SORCS1: variants seen among roughly 807,000 people sequenced by gnomAD.
The protein encoded by SORCS1 is VPS10 domain-containing receptor SorCS1.
Under a neutral mutation model 146.1 loss-of-function variants are expected in SORCS1, and 60 were observed. The observed-to-expected ratio is 0.41, with a 90% confidence interval of 0.33 to 0.51. The LOEUF is 0.51. SORCS1 is among the 20% of genes least tolerant of loss of function. The probability of loss-of-function intolerance (pLI) is 0.21; values close to 1 mark genes in which losing one functional copy is unlikely to be tolerated. For missense variants in SORCS1, 1,352 were observed against 1,487.6 expected (o/e 0.91, Z 1.50); for synonymous variants, 637 against 584.0 (o/e 1.09, Z -1.31).
At chr10:106,710,432 G>GAAAAA (rs33978828) in intron 6 of SORCS1, among the ~76,000 whole-genome samples, 3 of 126,830 alleles carry the variant, frequency 2.4e-5, no homozygotes, top group Admixed American at 8.3e-5. Context: ...TGGGTGACAG[G>GAAAAA]AAAAAAAAAA....
chr10:106,807,753 C>T (rs1035799178), intron 3 of SORCS1, among the ~76,000 whole-genome samples: 1 of 152,244 alleles, frequency 6.6e-6, no homozygotes, highest in African/African-American at 2.4e-5. Context: ...CAGCTAAGCT[C>T]CAACTATGTT....
rs116509277 is a variant in SORCS1, at chr10:107,100,934, G to A, written c.558+63035C>T. 6.7e-3 allele frequency among the ~76,000 whole-genome samples: 1,024 copies of A among 152,306 alleles called. 10 individuals carry two copies. Among genetic ancestry groups the A allele is most frequent in the African/African-American group, 0.023 (954 of 41,558 alleles). ...TAGAGACAGGGTCTTGCTCTGCAAT[G>A]CAGGCTGCAGAGCAGTGATGCAATC... On this transcript the variant is annotated intron_variant, in intron 1 of 25. Coordinates refer to ENST00000263054, the MANE Select transcript of SORCS1 (RefSeq NM_052918.5).
intron 2 of SORCS1, among the ~76,000 whole-genome samples, chr10:106,946,895 T>G (rs2138837571): frequency 6.6e-6 from 1 of 152,278 alleles, no homozygotes; most frequent in East Asian, 1.9e-4. Context: ...GAGATGTTTG[T>G]TGAACAAAAT....
intron 1 of SORCS1, among the ~76,000 whole-genome samples, chr10:107,124,955 T>C (rs1431974874): frequency 2.0e-5 from 2 of 99,832 alleles, no homozygotes; most frequent in African/African-American, 1.6e-4. Flanking sequence ...TTCTTTTTCT[T>C]TTTTTTTTTT....
chr10:107,163,385 C>T (rs1969851325), intron 1 of SORCS1, among the ~76,000 whole-genome samples: 1 of 152,160 alleles, frequency 6.6e-6, no homozygotes, highest in South Asian at 2.1e-4. Context: ...CTGGAGAGTT[C>T]CTGCCCTGAA....
At chr10:107,095,579 C>T (rs1964491784) in intron 1 of SORCS1, among the ~76,000 whole-genome samples, 1 of 152,104 alleles carries the variant, frequency 6.6e-6, no homozygotes, top group South Asian at 2.1e-4. Context: ...ATAAGTATTC[C>T]TTCCTTAAGC....
chr10:107,109,710 G>A (rs767994549), intron 1 of SORCS1, among the ~76,000 whole-genome samples: 1 of 152,174 alleles, frequency 6.6e-6, no homozygotes. Context: ...TTGCTACGTA[G>A]CCTGCTTGAA....
chr10:106,964,699 G>T (rs527394995), intron 1 of SORCS1, among the ~76,000 whole-genome samples: 4 of 152,094 alleles, frequency 2.6e-5, no homozygotes, highest in Non-Finnish European at 4.4e-5. Flanking sequence ...TGTTAGTCAG[G>T]ATAGTTTCGA....
intron 6 of SORCS1, among the ~76,000 whole-genome samples, chr10:106,713,137 C>A (rs1017452456): frequency 4.6e-5 from 7 of 152,126 alleles, no homozygotes; most frequent in Non-Finnish European, 7.3e-5. Context: ...CCCAAAGGAG[C>A]CAGTCTTACA....
chr10:107,001,238 TG>T (rs1957204002), intron 1 of SORCS1, among the ~76,000 whole-genome samples: 1 of 152,090 alleles, frequency 6.6e-6, no homozygotes. Flanking sequence ...AAAGGGAATA[TG>T]GTTATGTTGG....
intron 24 of SORCS1, 140 bp from the exon 25 acceptor site, chr10:106,579,614 A>G (rs766572005): frequency 6.2e-5 from 49 of 795,200 alleles, no homozygotes; most frequent in Non-Finnish European, 8.7e-5. Flanking sequence ...TGCATGTCAC[A>G]TGGCTGACAT....
At chr10:106,886,955 A>G (rs2137814450) in intron 2 of SORCS1, among the ~76,000 whole-genome samples, 1 of 152,322 alleles carries the variant, frequency 6.6e-6, no homozygotes, top group East Asian at 1.9e-4. Context: ...GAAAAAGAAG[A>G]CCAGGGACCT....
intron 3 of SORCS1, among the ~76,000 whole-genome samples, chr10:106,779,323 C>A (rs1860709105): frequency 6.6e-6 from 1 of 152,090 alleles, no homozygotes; most frequent in African/African-American, 2.4e-5. Flanking sequence ...ACAAACAGGT[C>A]AATCTGGATC....
chr10:106,655,263 G>C (rs900964187), intron 17 of SORCS1, among the ~76,000 whole-genome samples: 4 of 152,120 alleles, frequency 2.6e-5, no homozygotes, highest in Admixed American at 2.6e-4. Flanking sequence ...ACAAAATGCA[G>C]ACACTGGTGT....
chr10:106,955,991 G>C (rs373106467), intron 2 of SORCS1, among the ~76,000 whole-genome samples: 4 of 152,126 alleles, frequency 2.6e-5, no homozygotes, highest in Admixed American at 2.0e-4. Context: ...TTAGCCATGC[G>C]TGGTGGCGCA....
intron 2 of SORCS1, among the ~76,000 whole-genome samples, chr10:106,924,381 T>A (rs540864728): frequency 1.3e-5 from 2 of 152,146 alleles, no homozygotes; most frequent in African/African-American, 4.8e-5. Flanking sequence ...AGATAAATGA[T>A]ATGGTAAAAA....
chr10:107,070,024 G>A (rs771344377), intron 1 of SORCS1, among the ~76,000 whole-genome samples: 11 of 152,136 alleles, frequency 7.2e-5, no homozygotes, highest in Non-Finnish European at 1.6e-4. Flanking sequence ...CTTTCTGTCT[G>A]TATTCTTTGT....
At chr10:107,031,360 C>T (rs1778200044) in intron 1 of SORCS1, among the ~76,000 whole-genome samples, 1 of 151,906 alleles carries the variant, frequency 6.6e-6, no homozygotes, top group African/African-American at 2.4e-5. Flanking sequence ...CTAGCCATGG[C>T]CCACAATAAT....
At chr10:107,072,107 T>G (rs138500620) in intron 1 of SORCS1, among the ~76,000 whole-genome samples, 2 of 152,156 alleles carry the variant, frequency 1.3e-5, no homozygotes, top group Non-Finnish European at 2.9e-5. Flanking sequence ...CAAGTGAAGA[T>G]GCGTTGCTGG....
Sources: allele counts gnomAD v4.1 joint callset (sites outside exome capture counted in the v4.1 genomes callset), GRCh38; gene constraint gnomAD v4.1.1; transcripts MANE v1.5; gene names NCBI Gene and HGNC (gene_info 2026-07-23, HGNC 2026-07-21).